The following ROBO2 variants were observed in gnomAD, a reference collection of about 807,000 sequenced individuals.
The protein encoded by ROBO2 is roundabout guidance receptor 2.
ROBO2 carries 53 observed loss-of-function variants against 160.8 expected under a neutral mutation model. The ratio of observed to expected loss-of-function variants is 0.33; its 90% CI spans 0.26 to 0.41. The LOEUF (loss-of-function observed/expected upper bound fraction) is 0.41. Among genes scored for constraint, ROBO2 ranks in the 10% least tolerant of loss-of-function variants. The pLI, the probability that ROBO2 is intolerant of heterozygous loss-of-function variation, is 1.00. For missense variants in ROBO2, 1,577 were observed against 1,722.4 expected, an observed-to-expected ratio of 0.92 and a Z score of 1.49; for synonymous variants, 664 against 611.7, an observed-to-expected ratio of 1.09 and a Z score of -1.26.
chr3:76,592,401 C>T (rs934782934), intron 2 of ROBO2, among the ~76,000 whole-genome samples: 12 of 151,944 alleles, frequency 7.9e-5, no homozygotes, highest in African/African-American at 1.9e-4. Context: ...TCAAAAACAA[C>T]GTCAAAATAA....
chr3:77,356,928 C>A lies in ROBO2; in HGVS notation c.389-120486C>A, dbSNP rs115401013. Among the ~76,000 whole-genome samples the A allele has an allele frequency of 1.2e-3, 179 of 151,946 alleles. 2 individuals carry two copies. Among genetic ancestry groups the A allele is most frequent in the African/African-American group, 4.0e-3 (165 of 41,434 alleles). Reference sequence around the variant, plus strand: ...AGAGAATATTTTGCTTAGATGATGACTAAAGAAGACATTATGGAGTAACAT... The same window carrying A: ...AGAGAATATTTTGCTTAGATGATGAATAAAGAAGACATTATGGAGTAACAT... On this transcript the variant is annotated intron_variant, in intron 2 of 25. Coordinates refer to ENST00000461745, the Ensembl canonical transcript of ROBO2.
chr3:76,673,046 G>T (rs373077730), intron 2 of ROBO2, among the ~76,000 whole-genome samples: 3 of 152,054 alleles, frequency 2.0e-5, no homozygotes, highest in East Asian at 1.9e-4. Context: ...AAGCAGTAAT[G>T]GTGGGGAAAT....
chr3:77,171,662 A>G (rs1255989227), intron 2 of ROBO2, among the ~76,000 whole-genome samples: 1 of 152,204 alleles, frequency 6.6e-6, no homozygotes, highest in African/African-American at 2.4e-5. Context: ...TATCAGAATG[A>G]GAGACTCAAT....
intron 21 of ROBO2, among the ~76,000 whole-genome samples, chr3:77,611,805 C>T (rs1158633719): frequency 6.6e-6 from 1 of 152,062 alleles, no homozygotes; most frequent in African/African-American, 2.4e-5. Context: ...ATGTTTTCTC[C>T]TATCATTATT....
intron 21 of ROBO2, among the ~76,000 whole-genome samples, chr3:77,610,828 T>C (rs2094621522): frequency 6.7e-6 from 1 of 150,196 alleles, no homozygotes; most frequent in African/African-American, 2.5e-5. Flanking sequence ...GTCCCATTAG[T>C]CTTCCTTTGG....
In ROBO2 at chr3:77,581,801, T is replaced by G. The variant is rs935133899; in HGVS notation, c.2500+1683T>G. On this transcript the variant is annotated intron_variant, in intron 16 of 25. Transcript: ENST00000461745. ...ATTATTTGTTAGTATTATCAGGTCT[T>G]TATTGATTTCTATTTGCGCTCTTAA... Among the ~76,000 whole-genome samples, 13 of 152,310 alleles carry G rather than the reference T, an allele frequency of 8.5e-5. No homozygotes were observed. The East Asian group carries it at 2.5e-3, about 29-fold the overall frequency.
At chr3:77,292,051 G>T (rs1443323048) in intron 2 of ROBO2, among the ~76,000 whole-genome samples, 1 of 151,054 alleles carries the variant, frequency 6.6e-6, no homozygotes, top group East Asian at 2.0e-4. Context: ...CGGCTTAACG[G>T]GTAAGCTGAG....
intron 2 of ROBO2, among the ~76,000 whole-genome samples, chr3:77,347,511 A>G (rs887605696): frequency 2.0e-5 from 3 of 151,846 alleles, no homozygotes; most frequent in Admixed American, 2.0e-4. Context: ...AGTGTGTCAT[A>G]TCTCCCCTTA....
At chr3:77,410,095 C>G (rs1338044213) in intron 2 of ROBO2, among the ~76,000 whole-genome samples, 1 of 152,152 alleles carries the variant, frequency 6.6e-6, no homozygotes, top group East Asian at 1.9e-4. Context: ...GACACTGTAG[C>G]TGCCTGATGA....
intron 2 of ROBO2, among the ~76,000 whole-genome samples, chr3:77,134,582 A>G (rs1219418756): frequency 6.6e-6 from 1 of 152,190 alleles, no homozygotes; most frequent in African/African-American, 2.4e-5. Context: ...GCCCCTTTCA[A>G]TTATAAACCA....
chr3:75,942,676 G>T (rs1220756108), intron 2 of ROBO2, among the ~76,000 whole-genome samples: 4 of 152,108 alleles, frequency 2.6e-5, no homozygotes, highest in Non-Finnish European at 4.4e-5. Flanking sequence ...TCCTACAAAA[G>T]AAGTCAACTA....
intron 2 of ROBO2, among the ~76,000 whole-genome samples, chr3:77,276,518 A>G (rs780702572): frequency 2.0e-5 from 3 of 152,208 alleles, no homozygotes; most frequent in Non-Finnish European, 2.9e-5. Context: ...CTAGTCAGGT[A>G]GGACACATTG....
At chr3:75,966,414 T>C (rs562255389) in intron 2 of ROBO2, among the ~76,000 whole-genome samples, 1 of 151,810 alleles carries the variant, frequency 6.6e-6, no homozygotes, top group Admixed American at 6.6e-5. Flanking sequence ...AGATCAACAG[T>C]TTTCTCTTTA....
intron 23 of ROBO2, among the ~76,000 whole-genome samples, chr3:77,626,984 G>T (rs1391116514): frequency 6.6e-6 from 1 of 152,104 alleles, no homozygotes; most frequent in African/African-American, 2.4e-5. Flanking sequence ...TAAAATATTT[G>T]ACCTGAAACT....
intron 2 of ROBO2, among the ~76,000 whole-genome samples, chr3:76,829,947 C>T (rs1014832637): frequency 4.6e-5 from 7 of 152,336 alleles, no homozygotes; most frequent in South Asian, 2.1e-4. Context: ...GGATTACAGG[C>T]GTAAGCCACC....
intron 2 of ROBO2, among the ~76,000 whole-genome samples, chr3:77,011,430 A>T (rs571988064): frequency 6.6e-6 from 1 of 152,210 alleles, no homozygotes; most frequent in South Asian, 2.1e-4. Context: ...ATTACTTAAA[A>T]TCCATCTCCA....
At chr3:76,285,485 A>G (rs1414164226) in intron 2 of ROBO2, among the ~76,000 whole-genome samples, 2 of 152,032 alleles carry the variant, frequency 1.3e-5, no homozygotes, top group Non-Finnish European at 2.9e-5. Flanking sequence ...AAAATTTAAT[A>G]TATTTTACTA....
At chr3:77,429,905 A>T (rs1346965377) in intron 2 of ROBO2, among the ~76,000 whole-genome samples, 1 of 152,092 alleles carries the variant, frequency 6.6e-6, no homozygotes, top group Non-Finnish European at 1.5e-5. Flanking sequence ...CAAGAGAGAG[A>T]ATCTGGATCA....
rs6763342 is a variant in ROBO2 at position 76,589,461 on chromosome 3, G to A, written c.110-508553G>A. On this transcript the variant is annotated intron_variant, in intron 2 of 26. Coordinates refer to the ROBO2 transcript ENST00000487694. ...GACTACAGGCGCCGCCACCACGCCC[G>A]GCTAATTTTGTTTTCTATTTTTAGT... Among the ~76,000 whole-genome samples, 704 of 152,090 alleles carry A rather than the reference G, an allele frequency of 4.6e-3. 5 individuals carry two copies. The highest frequency in any genetic ancestry group is 0.017 in the African/African-American group (686 of 41,490).
Sources: allele counts gnomAD v4.1 joint callset (sites outside exome capture counted in the v4.1 genomes callset), GRCh38; gene constraint gnomAD v4.1.1; transcripts MANE v1.5; gene names NCBI Gene and HGNC (gene_info 2026-07-23, HGNC 2026-07-21).